The following RAPGEF1 variants were observed in gnomAD, a reference collection of about 807,000 sequenced individuals.
The protein encoded by RAPGEF1 is CRK SH3-binding GNRP.
A neutral mutation model predicts 143.3 loss-of-function variants in RAPGEF1; 33 were observed. The observed-to-expected ratio is 0.23, with a 90% CI of 0.17 to 0.31. RAPGEF1 has a LOEUF of 0.31. Ranked by LOEUF, RAPGEF1 falls within the 10% of genes least tolerant of loss-of-function variation. The pLI is 1.00. For missense variants in RAPGEF1, 1,199 were observed against 1,645.4 expected (o/e 0.73, Z 4.69); for synonymous variants, 629 against 676.5 (o/e 0.93, Z 1.09).
At chr9:131,699,412 T>C (rs1834458677) in intron 1 of RAPGEF1, among the ~76,000 whole-genome samples, 1 of 151,990 alleles carries the variant, frequency 6.6e-6, no homozygotes, top group Admixed American at 6.5e-5. Flanking sequence ...GCCTGGCTAA[T>C]TTTGTATTTT....
At chr9:131,735,921 A>C (rs551450804) in intron 1 of RAPGEF1, among the ~76,000 whole-genome samples, 1 of 152,240 alleles carries the variant, frequency 6.6e-6, no homozygotes, top group East Asian at 1.9e-4. Context: ...TTCCTCAAGA[A>C]CACGTGCGGA....
intron 1 of RAPGEF1, among the ~76,000 whole-genome samples, chr9:131,651,832 C>A (rs1181187275): frequency 6.6e-6 from 1 of 152,106 alleles, no homozygotes; most frequent in Non-Finnish European, 1.5e-5. Flanking sequence ...CTCAAATGAA[C>A]CTAGATGGGA....
At position 131,628,232 on chromosome 9, in the gene RAPGEF1, T is replaced by C. The variant is rs1044727083; in HGVS notation, c.1018-136A>G. Reference sequence around the variant, plus strand: ...ACTCAGAAACCACCTCTGACGTCAGTAGTCGAAGGACACATACAGCTGAGA... The same window carrying C: ...ACTCAGAAACCACCTCTGACGTCAGCAGTCGAAGGACACATACAGCTGAGA... On this transcript the variant is annotated intron_variant, in intron 8 of 26. Coordinates refer to ENST00000683357, the MANE Select transcript of RAPGEF1 (RefSeq NM_001377935.1). This position sits in a 1 kb window ranked among gnomAD's most constrained non-coding sequence, Gnocchi z 5.7. The C allele has an allele frequency of 1.2e-6, 1 of 827,506 alleles. No homozygotes were observed. The highest frequency in any genetic ancestry group is 1.8e-6 in the Non-Finnish European group (1 of 547,144). 51.3% of individuals were successfully genotyped at this position (827,506 alleles called of 1,614,324 possible). A position where few individuals can be genotyped will look rare whatever the true frequency, so the allele number is the denominator to read the frequency against.
At chr9:131,738,093 G>T (rs1392737387) in intron 1 of RAPGEF1, among the ~76,000 whole-genome samples, 4 of 152,246 alleles carry the variant, frequency 2.6e-5, no homozygotes, top group Admixed American at 2.6e-4. Context: ...GGGATTACAG[G>T]CGTGAGCCAC....
At chr9:131,586,629 CCTGCAGAG>C (rs1952943309) in intron 22 of RAPGEF1, among the ~76,000 whole-genome samples, 1 of 121,026 alleles carries the variant, frequency 8.3e-6, no homozygotes, top group African/African-American at 3.8e-5. Flanking sequence ...CACACACACA[CCTGCAGAG>C]ACTCCGTCTC....
intron 1 of RAPGEF1, among the ~76,000 whole-genome samples, chr9:131,684,355 G>T (rs922590470): frequency 1.1e-4 from 16 of 152,172 alleles, no homozygotes; most frequent in Non-Finnish European, 2.1e-4. Context: ...GCGGTGATGG[G>T]CATTCCAGCT....
chr9:131,667,625 C>T lies in RAPGEF1; in HGVS notation c.62-16676G>A, dbSNP rs1338247409. ...TGATTTTCTCTGAAGGTAGGGACCA[C>T]AGTCATTCAAAGGGGAACTGCCACC... On this transcript the variant is annotated intron_variant, in intron 1 of 26. Transcript: ENST00000683357. This position sits in a 1 kb window ranked among gnomAD's most constrained non-coding sequence, Gnocchi z 4.6. Among the ~76,000 whole-genome samples the T allele has an allele frequency of 6.6e-6, 1 of 152,206 alleles. No individual in the cohort carries two copies. The highest frequency in any genetic ancestry group is 2.4e-5 in the African/African-American group (1 of 41,452).
intron 1 of RAPGEF1, among the ~76,000 whole-genome samples, chr9:131,714,894 T>C (rs1835755501): frequency 6.6e-6 from 1 of 152,006 alleles, no homozygotes; most frequent in Non-Finnish European, 1.5e-5. Context: ...TTATTTTTTG[T>C]AGAGATAGCA....
intron 1 of RAPGEF1, among the ~76,000 whole-genome samples, chr9:131,711,293 C>T (rs964306336): frequency 2.0e-5 from 3 of 151,942 alleles, no homozygotes; most frequent in African/African-American, 7.3e-5. Flanking sequence ...CTCAAGTGAA[C>T]CTCCTGCCTC....
intron 16 of RAPGEF1, 32 bp downstream of exon 16, chr9:131,598,167 G>T: frequency 6.3e-7 from 1 of 1,583,016 alleles, no homozygotes; most frequent in Non-Finnish European, 8.7e-7. Flanking sequence ...TGTGGGGCCA[G>T]GCTGCAAAGC....
intron 15 of RAPGEF1, among the ~76,000 whole-genome samples, chr9:131,601,155 G>C (rs968352976): frequency 6.8e-5 from 8 of 117,428 alleles, no homozygotes; most frequent in Non-Finnish European, 1.3e-4. Context: ...CTGGGCGACA[G>C]AGTGAGACTC....
rs1350707353 is a variant in RAPGEF1, at chr9:131,733,366, G to A, written c.61+6404C>T. ...AATTTAAAAAAGCCGGGGCGGGGGC[G>A]GGGGGGGGGGTGGTGCGGGGTTGGC... On this transcript the variant is annotated intron_variant, in intron 1 of 26. Coordinates refer to ENST00000683357, the MANE Select transcript of RAPGEF1 (RefSeq NM_001377935.1). 3.3e-3 allele frequency among the ~76,000 whole-genome samples: 15 copies of A among 4,588 alleles called. No individual in the cohort carries two copies. In the South Asian group the frequency reaches 0.14, roughly 41 times the overall value. 3.0% of individuals were successfully genotyped at this position (4,588 alleles called of 152,430 possible).
rs1012142865 is a variant in RAPGEF1 at position 131,621,006 on chromosome 9, G to A, written c.1905+790C>T. 6.6e-6 allele frequency among the ~76,000 whole-genome samples: 1 copy of A among 152,340 alleles called. No individual in the cohort carries two copies. The highest frequency in any genetic ancestry group is 2.4e-5 in the African/African-American group (1 of 41,594). ...TGCTGGGGAGCTTCCTCTTCCTGGG[G>A]AGCATGGCTGGACAAGAGGCTCAGA... is the stretch of plus-strand genomic sequence containing the variant. On this transcript the variant is annotated intron_variant, in intron 11 of 26. Coordinates refer to ENST00000683357, the MANE Select transcript of RAPGEF1 (RefSeq NM_001377935.1). The surrounding 1 kb of genome is among the most constrained non-coding windows in gnomAD (Gnocchi z 4.5).
Position 131,722,697 on chromosome 9 carries a change from GCCCT to G in RAPGEF1, c.61+17069_61+17072del, listed in dbSNP as rs1287643234. Among the ~76,000 whole-genome samples, 3 of 152,304 alleles carry G rather than the reference GCCCT, an allele frequency of 2.0e-5. No individual in the cohort carries two copies. The East Asian group carries it at 5.8e-4, about 29-fold the overall frequency. On this transcript the variant is annotated intron_variant, in intron 1 of 26. Coordinates refer to ENST00000683357, the MANE Select transcript of RAPGEF1 (RefSeq NM_001377935.1). ...GTCCCCATCCAGAGGTGCAGGATCT[GCCCT>G]GGATTAAAAGCTTCATGGGCTGGGC...
chr9:131,739,730 G>T, intron 1 of RAPGEF1, 40 bp downstream of exon 1: 1 of 1,092,460 alleles, frequency 9.2e-7, no homozygotes, highest in Non-Finnish European at 1.1e-6. Flanking sequence ...CCCCAGGGCC[G>T]GGCCCGGCCG....
At chr9:131,664,011 AC>A (rs1330005390) in intron 1 of RAPGEF1, among the ~76,000 whole-genome samples, 1 of 152,026 alleles carries the variant, frequency 6.6e-6, no homozygotes, top group Non-Finnish European at 1.5e-5. Flanking sequence ...CCCACCCTTT[AC>A]TTTTTTTGGT....
chr9:131,584,301 G>A lies in RAPGEF1; in HGVS notation c.3414+10C>T, dbSNP rs767669849. ...AGCCACCCTCCCGCCCACGCCCCAA[G>A]GCCACTCACCTCTGAAGTCTGCTTC... On this transcript the variant is annotated intron_variant, in intron 24 of 26. Coordinates refer to ENST00000683357, the MANE Select transcript of RAPGEF1 (RefSeq NM_001377935.1). The surrounding 1 kb of genome is among the most constrained non-coding windows in gnomAD (Gnocchi z 6.8). The A allele has an allele frequency of 3.7e-6, 6 of 1,604,174 alleles. No homozygotes were observed. The highest frequency in any genetic ancestry group is 4.5e-5 in the East Asian group (2 of 44,512).
chr9:131,682,159 A>G (rs867886158), intron 1 of RAPGEF1, among the ~76,000 whole-genome samples: 1 of 152,206 alleles, frequency 6.6e-6, no homozygotes, highest in African/African-American at 2.4e-5. Flanking sequence ...TGGCCATACT[A>G]AAAAAGAATG....
chr9:131,584,615 AAAGAAACAGCTGAGTTGAC>A lies in RAPGEF1; in HGVS notation c.3234-38_3234-20del, dbSNP rs749014857. On this transcript the variant is annotated intron_variant, in intron 22 of 26. Transcript: ENST00000683357. This position sits in a 1 kb window ranked among gnomAD's most constrained non-coding sequence, Gnocchi z 6.8. The stretch of plus-strand genomic sequence containing the variant: ...CCGGACCCTGCATGGACCAAGGGAA[AAAGAAACAGCTGAGTTGAC>A]AAGTCCCTGCAGGTCCCAGGGGTCC... The A allele has an allele frequency of 6.2e-7, 1 of 1,613,064 alleles. No homozygotes were observed. Among genetic ancestry groups the A allele is most frequent in the South Asian group, 1.1e-5 (1 of 91,066 alleles).
Sources: allele counts gnomAD v4.1 joint callset (sites outside exome capture counted in the v4.1 genomes callset), GRCh38; gene constraint gnomAD v4.1.1; non-coding constraint Gnocchi (gnomAD v3.1); transcripts MANE v1.5; gene names NCBI Gene and HGNC (gene_info 2026-07-23, HGNC 2026-07-21).